The following BYSL variants were observed in gnomAD, a reference collection of about 807,000 sequenced individuals.
BYSL encodes bystin.
A neutral mutation model predicts 45.4 loss-of-function variants in BYSL; 21 were observed. The observed-to-expected ratio is 0.46, with a 90% CI of 0.33 to 0.67. The LOEUF (loss-of-function observed/expected upper bound fraction) is 0.67, where lower values mean the gene tolerates loss of function less well. BYSL is among the 30% of genes least tolerant of loss of function. The pLI, the probability that BYSL is intolerant of heterozygous loss-of-function variation, is 0.02. For missense variants in BYSL, 522 were observed against 578.5 expected (o/e 0.90, Z 1.00); for synonymous variants, 215 against 231.3 (o/e 0.93, Z 0.64).
At chr6:41,910,048 G>C in the BYSL span, among the ~76,000 whole-genome samples, 1 of 152,072 alleles carries the variant, frequency 6.6e-6, no homozygotes, top group South Asian at 2.1e-4. Context: ...CATAAGCAGG[G>C]AAAGGTAGAT....
chr6:41,923,923 T>C (rs1775527616), intron 1 of BYSL, among the ~76,000 whole-genome samples: 1 of 152,192 alleles, frequency 6.6e-6, no homozygotes, highest in African/African-American at 2.4e-5. Context: ...TGGTTGTTCC[T>C]TCTCTCTGGG....
upstream of BYSL, chr6:41,916,918 G>A (rs150677099): frequency 1.2e-5 from 19 of 1,613,744 alleles, no homozygotes; most frequent in Middle Eastern, 1.6e-4. Context: ...TCTTGCCCTC[G>A]GCCACAGGCA....
At chr6:41,931,261 A>C in intron 4 of BYSL, 135 bp from the exon 5 acceptor site, 1 of 1,044,606 alleles carries the variant, frequency 9.6e-7, no homozygotes, top group Non-Finnish European at 1.4e-6. Context: ...CACAGCTCCC[A>C]CACATCCCCC....
chr6:41,909,989 T>C, the BYSL span, among the ~76,000 whole-genome samples: 1 of 152,144 alleles, frequency 6.6e-6, no homozygotes, highest in Non-Finnish European at 1.5e-5. Context: ...CCTCCCTCTT[T>C]GAGATCTAGT....
At chr6:41,918,083 T>C (rs186348338), upstream of BYSL, among the ~76,000 whole-genome samples, 449 of 152,326 alleles carry the variant, frequency 2.9e-3, 4 homozygotes, top group African/African-American at 0.01. Flanking sequence ...GCTTCCACTT[T>C]AGGAGTGGTA....
intron 2 of BYSL, 84 bp from the exon 3 acceptor site, chr6:41,930,048 T>C: frequency 6.5e-6 from 10 of 1,548,248 alleles, no homozygotes; most frequent in Non-Finnish European, 8.8e-6. Flanking sequence ...CACAGGGGAC[T>C]GTGGGGAGTC....
Position 41,932,890 on chromosome 6 carries a change from C to A in BYSL, c.*184C>A. ...CTGAGGGTCTGGCTGGTTCCCTCTTCCATTCTAGGCCCTTATCCCTGTTTA... is the reference window on the plus strand; with the variant it reads ...CTGAGGGTCTGGCTGGTTCCCTCTTACATTCTAGGCCCTTATCCCTGTTTA... On this transcript the variant is annotated 3_prime_UTR_variant, in exon 7 of 7. Transcript: ENST00000230340. This position sits in a 1 kb window ranked among gnomAD's most constrained non-coding sequence, Gnocchi z 4.7. 1.5e-6 allele frequency: 1 copy of A among 652,080 alleles called. No homozygotes were observed. Among genetic ancestry groups the A allele is most frequent in the Non-Finnish European group, 2.6e-6 (1 of 388,192 alleles). 40.4% of individuals were successfully genotyped at this position (652,080 alleles called of 1,614,324 possible).
chr6:41,929,055 C>A (rs1775600695), intron 2 of BYSL, among the ~76,000 whole-genome samples: 1 of 152,164 alleles, frequency 6.6e-6, no homozygotes, highest in South Asian at 2.1e-4. Context: ...GCACGTACCA[C>A]CACGCCTGGC....
intron 4 of BYSL, among the ~76,000 whole-genome samples, chr6:41,931,122 C>CAGAA (rs1775632375): frequency 1.3e-5 from 2 of 151,170 alleles, no homozygotes; most frequent in Non-Finnish European, 2.9e-5. Flanking sequence ...CTCAGGGCTA[C>CAGAA]TCAACTGATG....
intron 3 of BYSL, 38 bp downstream of exon 3, chr6:41,930,308 T>C (rs1401698345): frequency 1.1e-5 from 17 of 1,598,144 alleles, no homozygotes; most frequent in East Asian, 2.2e-5. Flanking sequence ...GAAGACCCCT[T>C]TGGGGGCTGT....
chr6:41,921,457 T>G, upstream of BYSL: 1 of 1,432,366 alleles, frequency 7.0e-7, no homozygotes, highest in Non-Finnish European at 9.3e-7. Flanking sequence ...GGGGGCGCTG[T>G]GATCGCCGGG....
upstream of BYSL, among the ~76,000 whole-genome samples, chr6:41,918,319 C>T (rs1775369063): frequency 6.6e-6 from 1 of 151,232 alleles, no homozygotes; most frequent in South Asian, 2.1e-4. Context: ...GCCTAGCCAA[C>T]ATGGTGAAAC....
chr6:41,931,305 C>G lies in BYSL; in HGVS notation c.705-91C>G, dbSNP rs1427323685. 11 of 1,454,086 alleles carry G rather than the reference C, an allele frequency of 7.6e-6. No homozygotes were observed. In the East Asian group the frequency reaches 2.5e-4, roughly 33 times the overall value. 90.1% of individuals were successfully genotyped at this position (1,454,086 alleles called of 1,614,324 possible). A position where few individuals can be genotyped will look rare whatever the true frequency, so the allele number is the denominator to read the frequency against. On this transcript the variant is annotated intron_variant, in intron 4 of 6. Transcript: ENST00000230340. The stretch of plus-strand genomic sequence containing the variant: ...AAAGGTCCCATATTTTACTTTAAAA[C>G]CTCTTGTATGCACTATCCATGGTGA...
At chr6:41,931,284 G>T (rs950786499) in intron 4 of BYSL, 112 bp from the exon 5 acceptor site, 26 of 1,259,288 alleles carry the variant, frequency 2.1e-5, no homozygotes, top group South Asian at 5.6e-5. Flanking sequence ...TGAAAGAAAG[G>T]TCCCATATTT....
Position 41,932,481 on chromosome 6 carries a change from C to T in BYSL, c.1089C>T (p.His363=), listed in dbSNP as rs1267307421. ...GGGTGCTGGATGCCCTAGTCTTCCACTTCCTGGGGTTCCGGACAGAGAAGC... is the reference window on the plus strand; with the variant it reads ...GGGTGCTGGATGCCCTAGTCTTCCATTTCCTGGGGTTCCGGACAGAGAAGC... ...PYRVLDALVF[H]FLGFRTEKRE... The change falls in exon 7 of 7, where the codon CAC becomes CAT. Residue 363 remains histidine, a synonymous_variant. Transcript: ENST00000230340. The surrounding 1 kb of genome is among the most constrained non-coding windows in gnomAD (Gnocchi z 4.7). The T allele has an allele frequency of 1.2e-6, 2 of 1,614,228 alleles. No individual in the cohort carries two copies. Among genetic ancestry groups the T allele is most frequent in the Non-Finnish European group, 1.7e-6 (2 of 1,180,040 alleles).
At chr6:41,909,418 CA>C in the BYSL span, 1 of 1,614,228 alleles carries the variant, frequency 6.2e-7, no homozygotes, top group South Asian at 1.1e-5. Flanking sequence ...ATAAGCACAT[CA>C]AAGTTGGTGT....
chr6:41,911,936 G>C, the BYSL span, among the ~76,000 whole-genome samples: 1 of 152,136 alleles, frequency 6.6e-6, no homozygotes, highest in African/African-American at 2.4e-5. Context: ...CATACTATAT[G>C]AGTCTACAAG....
At chr6:41,923,646 TTGGTCTCAAACTCC>T (rs938518248) in intron 1 of BYSL, among the ~76,000 whole-genome samples, 119 of 152,182 alleles carry the variant, frequency 7.8e-4, no homozygotes, top group Non-Finnish European at 1.2e-3. Flanking sequence ...GGTGCCCAGT[TTGGTCTCAAACTCC>T]TGGGCTCAAA....
chr6:41,921,645 CG>C lies in BYSL; in HGVS notation c.85del (p.Val29CysfsTer26), dbSNP rs1561942261. 6.2e-7 allele frequency: 1 copy of C among 1,613,164 alleles called. No individual in the cohort carries two copies. Among genetic ancestry groups the C allele is most frequent in the Non-Finnish European group, 8.5e-7 (1 of 1,179,664 alleles). ...GCCGATCAGATCCTGGCTGGGAATG[CG>C]GTGCGGGCGGGGGTCCGGGAGAAGC... ...PLADQILAGN[A>X]VRAGVREKRR... On this transcript the variant is annotated frameshift_variant, in exon 1 of 7. Transcript: ENST00000230340. LOFTEE classifies it high-confidence loss of function.
Sources: allele counts gnomAD v4.1 joint callset (sites outside exome capture counted in the v4.1 genomes callset), GRCh38; gene constraint gnomAD v4.1.1; non-coding constraint Gnocchi (gnomAD v3.1); transcripts MANE v1.5; gene names NCBI Gene and HGNC (gene_info 2026-07-23, HGNC 2026-07-21).